HS3ST3A1: variants seen among roughly 807,000 people sequenced by gnomAD.
The protein encoded by HS3ST3A1 is heparan sulfate glucosamine 3-O-sulfotransferase 3A1.
In HS3ST3A1, 19 loss-of-function variants were observed where a neutral mutation model predicts 25.7. The ratio of observed to expected loss-of-function variants is 0.74; its 90% CI spans 0.52 to 1.08. The LOEUF (loss-of-function observed/expected upper bound fraction) is 1.08. Ranked by LOEUF, HS3ST3A1 falls within the 50% of genes least tolerant of loss-of-function variation. The probability of loss-of-function intolerance (pLI) is 0.00; values close to 1 mark genes in which losing one functional copy is unlikely to be tolerated. For synonymous variants in HS3ST3A1, 226 were observed against 278.6 expected (o/e 0.81, Z 1.88); for missense variants, 459 against 594.3 (o/e 0.77, Z 2.37).
intron 1 of HS3ST3A1, among the ~76,000 whole-genome samples, chr17:13,527,919 T>A (rs530897093): frequency 2.6e-5 from 4 of 152,312 alleles, no homozygotes; most frequent in African/African-American, 7.2e-5. Context: ...TAAAGTACAA[T>A]GACCTACTGC....
At chr17:13,520,935 G>C (rs772294985) in intron 1 of HS3ST3A1, among the ~76,000 whole-genome samples, 2 of 152,110 alleles carry the variant, frequency 1.3e-5, no homozygotes, top group Non-Finnish European at 2.9e-5. Context: ...CAATATCCTT[G>C]TTTGTTGAAT....
chr17:13,581,454 G>C (rs960670660), intron 1 of HS3ST3A1, among the ~76,000 whole-genome samples: 1 of 132,254 alleles, frequency 7.6e-6, no homozygotes, highest in Non-Finnish European at 1.6e-5. Context: ...GTGATGAAGT[G>C]AGACTCTATC....
Position 13,506,440 on chromosome 17 carries a change from T to C in HS3ST3A1, c.600-9622A>G, listed in dbSNP as rs1260863034. 2.0e-5 allele frequency among the ~76,000 whole-genome samples: 3 copies of C among 152,212 alleles called. No homozygotes were observed. In the East Asian group the frequency reaches 5.8e-4, roughly 29 times the overall value. On this transcript the variant is annotated intron_variant, in intron 1 of 1. Transcript: ENST00000284110. ...ATATTTAGAGCTCTGCGTAGCATCA[T>C]GCTGCTGTGCTCTGAAGTAAGGCTC...
chr17:13,560,337 T>G (rs567524375), intron 1 of HS3ST3A1, among the ~76,000 whole-genome samples: 2 of 120,912 alleles, frequency 1.7e-5, no homozygotes, highest in African/African-American at 5.9e-5. Flanking sequence ...ACCTACATAC[T>G]CTTCAACTGG....
chr17:13,526,474 T>TTTTATATA (rs1333779426), intron 1 of HS3ST3A1, among the ~76,000 whole-genome samples: 2 of 76,280 alleles, frequency 2.6e-5, no homozygotes, highest in Non-Finnish European at 4.9e-5. Flanking sequence ...ACTTTAATTT[T>TTTTATATA]TATATATATA....
At chr17:13,538,265 G>T (rs1409129164) in intron 1 of HS3ST3A1, among the ~76,000 whole-genome samples, 1 of 151,948 alleles carries the variant, frequency 6.6e-6, no homozygotes, top group Non-Finnish European at 1.5e-5. Context: ...TACTTTTTTT[G>T]CAGACAAATT....
intron 1 of HS3ST3A1, among the ~76,000 whole-genome samples, chr17:13,573,689 G>A (rs1907875382): frequency 6.6e-6 from 1 of 152,144 alleles, no homozygotes; most frequent in African/African-American, 2.4e-5. Flanking sequence ...GAGTGTGAGT[G>A]TCAACAACAC....
chr17:13,575,259 G>A (rs965924543), intron 1 of HS3ST3A1, among the ~76,000 whole-genome samples: 1 of 152,116 alleles, frequency 6.6e-6, no homozygotes, highest in African/African-American at 2.4e-5. Context: ...CCTACACTAA[G>A]TAGGGAAAAA....
rs528439574 is a variant in HS3ST3A1 at position 13,500,165 on chromosome 17, T to C, written c.600-3347A>G. Reference sequence around the variant, plus strand: ...CGTTCAACAAAGCACCACACTGTCATATAAAACAAAAGGCAGGTGTATGTT... The same window carrying C: ...CGTTCAACAAAGCACCACACTGTCACATAAAACAAAAGGCAGGTGTATGTT... On this transcript the variant is annotated intron_variant, in intron 1 of 1. Coordinates refer to ENST00000284110, the MANE Select transcript of HS3ST3A1 (RefSeq NM_006042.3). Among the ~76,000 whole-genome samples, 3 of 152,314 alleles carry C rather than the reference T, an allele frequency of 2.0e-5. No homozygotes were observed. In the South Asian group the frequency reaches 6.2e-4, roughly 32 times the overall value.
intron 1 of HS3ST3A1, among the ~76,000 whole-genome samples, chr17:13,522,208 C>T (rs1038146467): frequency 6.7e-6 from 1 of 149,704 alleles, no homozygotes; most frequent in Non-Finnish European, 1.5e-5. Flanking sequence ...TATGTATATG[C>T]AGATAAATAA....
chr17:13,543,912 TCATCAAGGGTTAC>T (rs1163065553), intron 1 of HS3ST3A1, among the ~76,000 whole-genome samples: 1 of 152,136 alleles, frequency 6.6e-6, no homozygotes, highest in East Asian at 1.9e-4. Flanking sequence ...TAAAACCCTC[TCATCAAGGGTTAC>T]CACTAAGTAG....
chr17:13,591,101 C>T (rs2142392452), intron 1 of HS3ST3A1, among the ~76,000 whole-genome samples: 1 of 146,356 alleles, frequency 6.8e-6, no homozygotes, highest in East Asian at 2.0e-4. Flanking sequence ...GACTGGAGTG[C>T]AGTGGTGAGA....
rs375328109 is a variant in HS3ST3A1 at position 13,494,851 on chromosome 17, C to A, written c.*1346G>T. 7.9e-5 allele frequency among the ~76,000 whole-genome samples: 12 copies of A among 152,172 alleles called. No individual in the cohort carries two copies. The highest frequency in any genetic ancestry group is 2.9e-4 in the African/African-American group (12 of 41,510). On this transcript the variant is annotated 3_prime_UTR_variant, in exon 2 of 2. Transcript: ENST00000284110. ...CAGACGAGAGAAGAGGAAAAGCCACCATTTTACCCACAAATGCATTTCCTA... is the reference window on the plus strand; with the variant it reads ...CAGACGAGAGAAGAGGAAAAGCCACAATTTTACCCACAAATGCATTTCCTA...
chr17:13,573,786 C>A (rs140608113), intron 1 of HS3ST3A1, among the ~76,000 whole-genome samples: 82 of 152,068 alleles, frequency 5.4e-4, no homozygotes, highest in Non-Finnish European at 1.5e-4. Flanking sequence ...GGGGCCTTTG[C>A]GAGGTGATTG....
intron 1 of HS3ST3A1, among the ~76,000 whole-genome samples, chr17:13,533,125 G>A (rs373253953): frequency 1.8e-4 from 28 of 152,200 alleles, no homozygotes; most frequent in African/African-American, 5.8e-4. Flanking sequence ...GATTGTGGAG[G>A]AGGGGGGAAC....
chr17:13,577,680 GTCAGAGATAAAACACAAGTATGTACAAGT>G (rs1274040493), intron 1 of HS3ST3A1, among the ~76,000 whole-genome samples: 2 of 152,170 alleles, frequency 1.3e-5, no homozygotes. Context: ...AAAAAACTCA[GTCAGAGATAAAACACAAGTATGTACAAGT>G]TCACCAATTA....
At position 13,498,153 on chromosome 17, in the gene HS3ST3A1, A is replaced by C. The variant is rs148433810; in HGVS notation, c.600-1335T>G. On this transcript the variant is annotated intron_variant, in intron 1 of 1. Transcript: ENST00000284110. Reference sequence around the variant, plus strand: ...AGGCCAGTTAGATTATTTTAAAGTCATTCACAAACATCCTATTAATGGATT... The same window carrying C: ...AGGCCAGTTAGATTATTTTAAAGTCCTTCACAAACATCCTATTAATGGATT... Among the ~76,000 whole-genome samples the C allele has an allele frequency of 7.5e-3, 1,141 of 152,322 alleles. 6 individuals are homozygous for C. The highest frequency in any genetic ancestry group is 0.017 in the Middle Eastern group (5 of 294).
chr17:13,542,319 A>C (rs1415996354), intron 1 of HS3ST3A1, among the ~76,000 whole-genome samples: 1 of 112,932 alleles, frequency 8.9e-6, no homozygotes, highest in Non-Finnish European at 1.8e-5. Context: ...ACAGAGCGAG[A>C]CTCTGTTTCC....
At chr17:13,502,779 A>G (rs775150789) in intron 1 of HS3ST3A1, among the ~76,000 whole-genome samples, 14 of 152,202 alleles carry the variant, frequency 9.2e-5, no homozygotes, top group African/African-American at 3.4e-4. Flanking sequence ...AGATACAAAT[A>G]TAAGTGGTGA....
Sources: allele counts gnomAD v4.1 joint callset (sites outside exome capture counted in the v4.1 genomes callset), GRCh38; gene constraint gnomAD v4.1.1; transcripts MANE v1.5; gene names NCBI Gene and HGNC (gene_info 2026-07-23, HGNC 2026-07-21).